The following ANK1 variants were observed in gnomAD, a reference collection of about 807,000 sequenced individuals.
The protein encoded by ANK1 is ankyrin-1.
A neutral mutation model predicts 210.4 loss-of-function variants in ANK1; 51 were observed. The ratio of observed to expected loss-of-function variants is 0.24; its 90% CI spans 0.19 to 0.31. The LOEUF is 0.31. Ranked by LOEUF, ANK1 falls within the 10% of genes least tolerant of loss-of-function variation. The pLI, the probability that ANK1 is intolerant of heterozygous loss-of-function variation, is 1.00. For missense variants in ANK1, 2,051 were observed against 2,504.4 expected (o/e 0.82, Z 3.86); for synonymous variants, 967 against 1,025.9 (o/e 0.94, Z 1.10).
At chr8:41,788,550 C>T (rs1238753377) in intron 1 of ANK1, among the ~76,000 whole-genome samples, 1 of 152,224 alleles carries the variant, frequency 6.6e-6, no homozygotes, top group Non-Finnish European at 1.5e-5. Context: ...GCTGCAATCT[C>T]AGTTTCCTCA....
chr8:41,842,753 C>T (rs766856719), intron 1 of ANK1, among the ~76,000 whole-genome samples: 16 of 152,052 alleles, frequency 1.1e-4, no homozygotes, highest in African/African-American at 1.4e-4. Context: ...CATTGGAAGG[C>T]GTGGATTTGG....
chr8:41,797,638 T>C, upstream of ANK1: 9 of 1,569,402 alleles, frequency 5.7e-6, no homozygotes, highest in South Asian at 1.0e-4. The surrounding 1 kb of genome is among the most constrained non-coding windows in gnomAD (Gnocchi z 4.0). Context: ...GCCTGTGACG[T>C]GCGGGCCAGG....
intron 1 of ANK1, among the ~76,000 whole-genome samples, chr8:41,783,215 G>A (rs1047703320): frequency 6.6e-6 from 1 of 152,314 alleles, no homozygotes; most frequent in Admixed American, 6.5e-5. Context: ...GAAGGAGATC[G>A]TTTCGAAAGT....
chr8:41,691,577 T>C (rs909723977), intron 31 of ANK1, among the ~76,000 whole-genome samples: 3 of 152,178 alleles, frequency 2.0e-5, no homozygotes, highest in African/African-American at 7.2e-5. Flanking sequence ...CGGTAACTGG[T>C]TCAGACCTAG....
intron 12 of ANK1, among the ~76,000 whole-genome samples, chr8:41,717,259 G>T (rs1175382337): frequency 1.3e-5 from 2 of 152,218 alleles, no homozygotes; most frequent in Non-Finnish European, 2.9e-5. Context: ...ATACGTGCAG[G>T]TGCATGCGTG....
chr8:41,832,060 C>T (rs377279590), intron 1 of ANK1, among the ~76,000 whole-genome samples: 17 of 152,238 alleles, frequency 1.1e-4, no homozygotes, highest in East Asian at 9.6e-4. Context: ...GAGAATTTTG[C>T]GGGGCGATGG....
intron 1 of ANK1, among the ~76,000 whole-genome samples, chr8:41,791,855 G>T (rs1847803738): frequency 6.6e-6 from 1 of 152,172 alleles, no homozygotes; most frequent in Admixed American, 6.5e-5. Flanking sequence ...GACACCATGG[G>T]GGGCCCAGAG....
In ANK1 at chr8:41,695,292, G is replaced by C; in HGVS notation, c.3000C>G (p.Gly1000=). 1 of 1,614,014 alleles carries C rather than the reference G, an allele frequency of 6.2e-7. No homozygotes were observed. The highest frequency in any genetic ancestry group is 8.5e-7 in the Non-Finnish European group (1 of 1,180,012). Residue 1000 remains glycine, a synonymous_variant, in exon 27 of 43, where the codon GGC becomes GGG. Transcript: ENST00000289734. ...GAACCACGAGCTCGCGGTCTCCACG[G>C]CCATGGGAGGCAAAGTGCGGGATCT... The part of the protein sequence containing the change: ...IVEIPHFASH[G]RGDRELVVLR...
At chr8:41,769,977 C>CTTTTTTTTTTTTTTTTTTT (rs59542968) in intron 1 of ANK1, among the ~76,000 whole-genome samples, 226 of 86,586 alleles carry the variant, frequency 2.6e-3, no homozygotes, top group East Asian at 5.9e-3. Context: ...TTTCTTTTTT[C>CTTTTTTTTTTTTTTTTTTT]TTTTTTTTTT....
At chr8:41,748,851 C>G (rs1015331113) in intron 2 of ANK1, among the ~76,000 whole-genome samples, 1 of 152,156 alleles carries the variant, frequency 6.6e-6, no homozygotes, top group East Asian at 1.9e-4. Context: ...CCAGCTAACA[C>G]AGTGAAATCC....
At chr8:41,755,025 A>G (rs1036718432) in intron 2 of ANK1, among the ~76,000 whole-genome samples, 1 of 152,220 alleles carries the variant, frequency 6.6e-6, no homozygotes, top group African/African-American at 2.4e-5. Flanking sequence ...CGCTCATTTC[A>G]TAACTTGTGG....
At chr8:41,746,596 C>T (rs1047977931) in intron 2 of ANK1, among the ~76,000 whole-genome samples, 1 of 152,162 alleles carries the variant, frequency 6.6e-6, no homozygotes, top group Non-Finnish European at 1.5e-5. Flanking sequence ...AAGGAATGCA[C>T]AACGATTTTA....
At chr8:41,758,333 G>T (rs576658369) in intron 1 of ANK1, among the ~76,000 whole-genome samples, 196 bp from the exon 2 acceptor site, 6 of 152,200 alleles carry the variant, frequency 3.9e-5, no homozygotes, top group African/African-American at 1.4e-4. Context: ...CCCTTCCTTT[G>T]GTTTTTTGTT....
intron 1 of ANK1, among the ~76,000 whole-genome samples, chr8:41,849,877 C>A (rs1810889646): frequency 6.6e-6 from 1 of 152,162 alleles, no homozygotes; most frequent in Admixed American, 6.5e-5. Context: ...TTCATCTTCC[C>A]CATTATCTAT....
At chr8:41,665,840 A>G (rs9694034) in intron 39 of ANK1, 34,702 of 153,750 alleles carry the variant, frequency 0.23, 4,051 homozygotes, top group Middle Eastern at 0.29. Flanking sequence ...TGAAGCATGG[A>G]GCTGGTGTGT....
At chr8:41,690,773 T>C (rs1323585815) in intron 31 of ANK1, among the ~76,000 whole-genome samples, 174 bp from the exon 32 acceptor site, 3 of 152,254 alleles carry the variant, frequency 2.0e-5, no homozygotes. Context: ...TCCAAAATTG[T>C]GATCAATGAG....
intron 1 of ANK1, among the ~76,000 whole-genome samples, chr8:41,876,089 C>T (rs1319952913): frequency 6.6e-6 from 1 of 152,064 alleles, no homozygotes; most frequent in Non-Finnish European, 1.5e-5. Flanking sequence ...CCTCACGCCT[C>T]CTGCCCAAAT....
rs747365191 is a variant in ANK1 at position 41,734,087 on chromosome 8, G to A, written c.130-18C>T. On this transcript the variant is annotated intron_variant, in intron 2 of 42. Coordinates refer to ENST00000289734, the MANE Select transcript of ANK1 (RefSeq NM_000037.4). The stretch of plus-strand genomic sequence containing the variant: ...AACCCATTCTGTAAAGAGCAGAGAG[G>A]CGGGAAGGGCATGGTTAGTCAAATG... 2 of 1,605,202 alleles carry A rather than the reference G, an allele frequency of 1.2e-6. No individual in the cohort carries two copies. The highest frequency in any genetic ancestry group is 4.5e-5 in the East Asian group (2 of 44,846).
At chr8:41,726,187 T>C (rs1020351720) in intron 5 of ANK1, among the ~76,000 whole-genome samples, 9 of 152,212 alleles carry the variant, frequency 5.9e-5, no homozygotes, top group African/African-American at 2.2e-4. Context: ...TTCTTTAGCA[T>C]TAATTTAGTT....
Sources: gnomAD v4.1 joint callset for allele counts (sites outside exome capture counted in the v4.1 genomes callset) on GRCh38, gnomAD v4.1.1 for gene constraint, Gnocchi (gnomAD v3.1) non-coding constraint, MANE v1.5 for transcripts, NCBI Gene and HGNC (gene_info 2026-07-23, HGNC 2026-07-21) for gene names.